RTEL1: variants seen among roughly 807,000 people sequenced by gnomAD.
RTEL1 encodes regulator of telomere elongation helicase 1.
RTEL1 carries 86 observed loss-of-function variants against 162.2 expected under a neutral mutation model. That is an observed-to-expected ratio of 0.53 (90% confidence interval 0.45 to 0.63). RTEL1 has a LOEUF of 0.63. RTEL1 is among the 30% of genes least tolerant of loss of function. The pLI, the probability that RTEL1 is intolerant of heterozygous loss-of-function variation, is 0.00. For missense variants in RTEL1, 1,941 were observed against 1,750.2 expected (o/e 1.11, Z -1.95); for synonymous variants, 958 against 717.9 (o/e 1.33, Z -5.35).
intron 2 of RTEL1, among the ~76,000 whole-genome samples, chr20:63,660,212 C>G (rs1400927374): frequency 1.3e-5 from 2 of 152,192 alleles, no homozygotes; most frequent in African/African-American, 2.4e-5. Context: ...TCCTCTATCT[C>G]GACTGCAAGA....
At chr20:63,671,510 C>T (rs1461330823) in intron 8 of RTEL1, among the ~76,000 whole-genome samples, 6 of 151,690 alleles carry the variant, frequency 4.0e-5, no homozygotes. Context: ...GAGACGGGGT[C>T]TTGCTCTGTC....
chr20:63,688,993 T>A, intron 21 of RTEL1, 62 bp from the exon 22 acceptor site: 1 of 1,441,422 alleles, frequency 6.9e-7, no homozygotes. Flanking sequence ...TGGGTCTCCC[T>A]CATGGGGGAG....
intron 6 of RTEL1, among the ~76,000 whole-genome samples, chr20:63,664,591 C>G (rs2090087275): frequency 6.6e-6 from 1 of 152,212 alleles, no homozygotes; most frequent in African/African-American, 2.4e-5. Context: ...CAGGCCAGCC[C>G]CTGCCTGTCC....
chr20:63,673,162 G>T (rs1021825063), intron 9 of RTEL1, among the ~76,000 whole-genome samples: 2 of 152,066 alleles, frequency 1.3e-5, no homozygotes, highest in Non-Finnish European at 2.9e-5. Flanking sequence ...GGGAGGCTGA[G>T]GTGGGCGGAT....
intron 16 of RTEL1, 117 bp from the exon 17 acceptor site, chr20:63,687,521 C>A: frequency 8.3e-7 from 1 of 1,202,404 alleles, no homozygotes; most frequent in Non-Finnish European, 1.1e-6. Flanking sequence ...GGGTGGCTGC[C>A]CGCGGCTCGC....
Position 63,695,358 on chromosome 20 carries a change from C to T in RTEL1, c.3530C>T (p.Thr1177Ile), listed in dbSNP as rs755098827. The change falls in exon 34 of 35, where the codon ACC becomes ATC. Residue 1177 changes from threonine (T) to isoleucine (I), a missense_variant. By Grantham distance (89) the Thr-to-Ile change is moderately conservative. Coordinates refer to ENST00000360203, the MANE Select transcript of RTEL1 (RefSeq NM_001283009.2). ...TCACGGTCCGAGAAGACCGGGAAGA[C>T]CCAGAGCAAGATCTCGTCCTTCCTT... ...GPSRSEKTGK[T>I]QSKISSFLRQ... is the part of the protein sequence containing the mutation. 2 of 1,549,710 alleles carry T rather than the reference C, an allele frequency of 1.3e-6. No homozygotes were observed. The highest frequency in any genetic ancestry group is 2.7e-5 in the African/African-American group (2 of 73,094).
At chr20:63,691,054 C>A in intron 27 of RTEL1, 107 bp downstream of exon 27, 1 of 1,224,296 alleles carries the variant, frequency 8.2e-7, no homozygotes, top group Non-Finnish European at 1.1e-6. Context: ...CTGTAAATCC[C>A]CTGCCTGGCA....
At position 63,689,086 on chromosome 20, in the gene RTEL1, C is replaced by T. The variant is rs777816665; in HGVS notation, c.1832C>T (p.Ala611Val). The T allele has an allele frequency of 1.9e-6, 3 of 1,610,838 alleles. No individual in the cohort carries two copies. The highest frequency in any genetic ancestry group is 1.7e-4 in the Middle Eastern group (1 of 6,052). ...AGTGCTTACTATGCAAGGGTTGCCG[C>T]CCCTGGGTCCACCGGCGCCACCTTC... ...TISAYYARVA[A>V]PGSTGATFLA... Residue 611 changes from alanine (A) to valine (V), a missense_variant, in exon 22 of 35, where the codon GCC (alanine) becomes GTC (valine). Coordinates refer to ENST00000360203, the MANE Select transcript of RTEL1 (RefSeq NM_001283009.2).
intron 6 of RTEL1, among the ~76,000 whole-genome samples, chr20:63,664,017 C>T (rs551759408): frequency 1.4e-3 from 216 of 152,232 alleles, no homozygotes; most frequent in Admixed American, 2.5e-3. Context: ...CTGGAGACAT[C>T]CTCTGTGTTG....
At chr20:63,689,696 GC>G in intron 23 of RTEL1, 48 bp downstream of exon 23, 2 of 1,603,730 alleles carry the variant, frequency 1.2e-6, no homozygotes, top group Non-Finnish European at 8.5e-7. Flanking sequence ...TGGTGACTGA[GC>G]CCCCGCCCCG....
intron 23 of RTEL1, 37 bp from the exon 24 acceptor site, chr20:63,689,712 CA>C: frequency 6.2e-7 from 1 of 1,605,902 alleles, no homozygotes; most frequent in African/African-American, 1.3e-5. Context: ...GCCCCGTGGC[CA>C]AGGGAGCCCC....
chr20:63,690,094 T>G lies in RTEL1; in HGVS notation c.2149T>G (p.Phe717Val). 6.2e-7 allele frequency: 1 copy of G among 1,611,234 alleles called. No homozygotes were observed. The highest frequency in any genetic ancestry group is 8.5e-7 in the Non-Finnish European group (1 of 1,179,664). ...GCTATGGCCACCCCCCAGGTTCGCC[T>G]TTGCCGACGCAAGAGCCCAACTGCC... ...AVFLCDHRFA[F>V]ADARAQLPSW... Residue 717 changes from phenylalanine (F) to valine (V), a missense_variant, in exon 25 of 35, where the codon TTT becomes GTT. Phe to Val is a conservative substitution (Grantham distance 50). Transcript: ENST00000360203.
intron 8 of RTEL1, among the ~76,000 whole-genome samples, chr20:63,671,771 G>T (rs1223871162): frequency 6.6e-6 from 1 of 151,368 alleles, no homozygotes; most frequent in Non-Finnish European, 1.5e-5. Flanking sequence ...GCTTGCAGGC[G>T]TGAGCCACCA....
intron 7 of RTEL1, among the ~76,000 whole-genome samples, chr20:63,667,119 G>A (rs1018052472): frequency 2.6e-5 from 4 of 152,314 alleles, no homozygotes; most frequent in Middle Eastern, 3.4e-3. Flanking sequence ...GATTACAGGA[G>A]TGAGCCACCG....
intron 14 of RTEL1, chr20:63,682,625 G>C (rs929786056): frequency 1.0e-6 from 1 of 985,720 alleles, no homozygotes; most frequent in Non-Finnish European, 1.2e-6. Flanking sequence ...ACTGCACACA[G>C]TGCTCACCCG....
chr20:63,664,816 C>T (rs2090092572), intron 6 of RTEL1, among the ~76,000 whole-genome samples: 1 of 152,186 alleles, frequency 6.6e-6, no homozygotes, highest in South Asian at 2.1e-4. Flanking sequence ...GAGCTGGCAC[C>T]CTTCCTGGCC....
chr20:63,659,655 A>G lies in RTEL1; in HGVS notation c.102+151A>G, dbSNP rs6089953. The G allele has an allele frequency of 0.77, 506,797 of 661,582 alleles. 199,805 individuals carry two copies. Among genetic ancestry groups the G allele is most frequent in the African/African-American group, 0.94 (52,508 of 55,882 alleles). The allele number at this position is 661,582 out of a possible 1,614,324, so 41.0% of individuals were successfully genotyped here. ...AAGGGCTGGTGTTCCAGGTGGGGTCAGAGAGAGGATTGACAAGTAAAAACG... is the reference window on the plus strand; with the variant it reads ...AAGGGCTGGTGTTCCAGGTGGGGTCGGAGAGAGGATTGACAAGTAAAAACG... On this transcript the variant is annotated intron_variant, in intron 2 of 34. Coordinates refer to ENST00000360203, the MANE Select transcript of RTEL1 (RefSeq NM_001283009.2).
rs1555811742 is a variant in RTEL1 at position 63,689,581 on chromosome 20, A to AC, written c.1963dup (p.Arg655ProfsTer11). The AC allele has an allele frequency of 1.2e-6, 2 of 1,611,946 alleles. No homozygotes were observed. The highest frequency in any genetic ancestry group is 8.5e-7 in the Non-Finnish European group (1 of 1,179,666). On this transcript the variant is annotated frameshift_variant, in exon 23 of 35. Transcript: ENST00000360203. LOFTEE classifies it high-confidence loss of function. ...GGCCTCCCGTACCCCCCACGCATGG[A>AC]CCCCCGGGTTGTCCTCAAGATGCAG...
At chr20:63,678,567 A>G (rs574854498) in intron 12 of RTEL1, among the ~76,000 whole-genome samples, 4 of 149,352 alleles carry the variant, frequency 2.7e-5, no homozygotes, top group African/African-American at 1.0e-4. Flanking sequence ...CCCCCCACGG[A>G]ACGGCACACA....
Sources: gnomAD v4.1 joint callset for allele counts (sites outside exome capture counted in the v4.1 genomes callset) on GRCh38, gnomAD v4.1.1 for gene constraint, MANE v1.5 for transcripts, NCBI Gene and HGNC (gene_info 2026-07-23, HGNC 2026-07-21) for gene names.